Variants in MAPK8IP3 observed in about 807,000 individuals in gnomAD.
MAPK8IP3 encodes the protein mitogen-activated protein kinase 8 interacting protein 3.
A neutral mutation model predicts 157.8 loss-of-function variants in MAPK8IP3; 49 were observed. The observed-to-expected ratio is 0.31, with a 90% CI of 0.25 to 0.39. The LOEUF is 0.39. Ranked by LOEUF, MAPK8IP3 falls within the 10% of genes least tolerant of loss-of-function variation. The pLI is 1.00. For missense variants in MAPK8IP3, 1,478 were observed against 1,889.4 expected, an observed-to-expected ratio of 0.78 and a Z score of 4.04; for synonymous variants, 897 against 777.7, an observed-to-expected ratio of 1.15 and a Z score of -2.55.
intron 1 of MAPK8IP3, among the ~76,000 whole-genome samples, chr16:1,719,657 C>T (rs1035662352): frequency 7.0e-6 from 1 of 142,998 alleles, no homozygotes; most frequent in African/African-American, 2.7e-5. Context: ...CATAGGGAGA[C>T]CCCATCTCTA....
In MAPK8IP3 at chr16:1,765,143, G is replaced by C. The variant is rs986546275; in HGVS notation, c.2411G>C (p.Cys804Ser). 6 of 1,610,818 alleles carry C rather than the reference G, an allele frequency of 3.7e-6. No homozygotes were observed. The highest frequency in any genetic ancestry group is 5.1e-6 in the Non-Finnish European group (6 of 1,178,362). Residue 804 changes from cysteine (C) to serine (S), a missense_variant, in exon 20 of 32, where the codon TGC becomes TCC. By Grantham distance (112) the Cys-to-Ser change is moderately radical. Around this residue, in one of 11 missense-constraint regions of MAPK8IP3, gnomAD observed 669 missense variants for 759.8 expected, o/e 0.88. Coordinates refer to ENST00000610761, the MANE Select transcript of MAPK8IP3 (RefSeq NM_001318852.2). ...PGTVVDQFTV[C>S]NAHVLCISSI... is the part of the protein sequence containing the mutation. Reference sequence around the variant, plus strand: ...ACGGTGGTGGACCAGTTCACCGTCTGCAACGCGCACGTGCTGTGCATCTCC... The same window carrying C: ...ACGGTGGTGGACCAGTTCACCGTCTCCAACGCGCACGTGCTGTGCATCTCC...
intron 1 of MAPK8IP3, among the ~76,000 whole-genome samples, chr16:1,716,359 G>A (rs1035055053): frequency 1.4e-5 from 2 of 146,976 alleles, no homozygotes; most frequent in Admixed American, 6.9e-5. Context: ...ATGCAGTGGC[G>A]CGATCTCGGC....
rs557132541 is a variant in MAPK8IP3 at position 1,737,822 on chromosome 16, G to A, written c.603-5510G>A. On this transcript the variant is annotated intron_variant, in intron 4 of 31. Transcript: ENST00000610761. ...CATGTGACCGTCCGTGTGAGCGTCC[G>A]TGTGAGCGTGACTGTCCGTGTGTGT... Among the ~76,000 whole-genome samples, 4 of 102,792 alleles carry A rather than the reference G, an allele frequency of 3.9e-5. 1 individual carries two copies. The highest frequency in any genetic ancestry group is 1.0e-4 in the Admixed American group (1 of 9,576). The allele number at this position is 102,792 out of a possible 152,430, so 67.4% of individuals were successfully genotyped here.
In MAPK8IP3 at chr16:1,763,657, C is replaced by T. The variant is rs200312072; in HGVS notation, c.1899C>T (p.Asp633=). 7.2e-4 allele frequency: 1,126 copies of T among 1,563,498 alleles called. 2 individuals carry two copies. Among genetic ancestry groups the T allele is most frequent in the Admixed American group, 9.5e-4 (52 of 54,456 alleles). The change falls in exon 17 of 32, where the codon GAC becomes GAT. Residue 633 remains aspartate (D), a splice_region_variant and synonymous_variant. Transcript: ENST00000610761. ...CATCACCCATCATTCTTCCACTCAG[C>T]GACTGCACGTCCTCCGCCCGTCGAG... ...GSRPLEFFPD[D]DCTSSARREQ... is the part of the protein sequence containing the mutation.
intron 4 of MAPK8IP3, among the ~76,000 whole-genome samples, chr16:1,736,724 GTCCGTGTGAGCGTGTGACCA>G (rs2039899393): frequency 1.4e-5 from 1 of 69,676 alleles, no homozygotes; most frequent in Non-Finnish European, 2.6e-5. Flanking sequence ...GCGTGTGACC[GTCCGTGTGAGCGTGTGACCA>G]TCCATGTGAG....
At chr16:1,740,260 G>A (rs2040584526) in intron 4 of MAPK8IP3, among the ~76,000 whole-genome samples, 2 of 134,890 alleles carry the variant, frequency 1.5e-5, no homozygotes, top group African/African-American at 5.8e-5. Flanking sequence ...GTTCGTGTGA[G>A]TGTGTGACCG....
At chr16:1,768,015 C>CT (rs756463872) in intron 28 of MAPK8IP3, 54 bp from the exon 29 acceptor site, 184 of 1,610,534 alleles carry the variant, frequency 1.1e-4, no homozygotes, top group Middle Eastern at 5.0e-4. Context: ...GGGTGCCTTG[C>CT]TGCCCCTACG....
At chr16:1,720,823 A>G (rs2142315659) in intron 1 of MAPK8IP3, among the ~76,000 whole-genome samples, 1 of 151,764 alleles carries the variant, frequency 6.6e-6, no homozygotes. Context: ...TCACGAGGTC[A>G]GGGGATCAAG....
intron 1 of MAPK8IP3, among the ~76,000 whole-genome samples, chr16:1,708,888 A>C (rs1046235510): frequency 6.6e-6 from 1 of 152,210 alleles, no homozygotes; most frequent in Non-Finnish European, 1.5e-5. Flanking sequence ...TGAATCAAGC[A>C]GACCTTCATT....
chr16:1,736,727 CGTGT>C (rs1166213204), intron 4 of MAPK8IP3, among the ~76,000 whole-genome samples: 2 of 64,540 alleles, frequency 3.1e-5, no homozygotes, highest in Admixed American at 2.5e-4. Flanking sequence ...TGTGACCGTC[CGTGT>C]GAGCGTGTGA....
intron 4 of MAPK8IP3, among the ~76,000 whole-genome samples, chr16:1,739,211 CGT>C (rs1247345657): frequency 3.7e-5 from 4 of 108,662 alleles, no homozygotes; most frequent in East Asian, 3.0e-4. Context: ...TGTGAGCGTC[CGT>C]GTGAGCGTGT....
chr16:1,762,314 G>T (rs749561611), intron 13 of MAPK8IP3, 37 bp from the exon 14 acceptor site: 1 of 1,540,480 alleles, frequency 6.5e-7, no homozygotes, highest in African/African-American at 1.4e-5. Context: ...CCCGGCCTCC[G>T]AGGGCTGGCT....
At chr16:1,761,743 C>T (rs1257704168) in intron 13 of MAPK8IP3, among the ~76,000 whole-genome samples, 2 of 150,908 alleles carry the variant, frequency 1.3e-5, no homozygotes, top group Non-Finnish European at 3.0e-5. Context: ...ATTCACACGC[C>T]GGGTGACCAC....
At chr16:1,761,631 C>CCACCATT (rs371540053) in intron 13 of MAPK8IP3, among the ~76,000 whole-genome samples, 1 of 145,546 alleles carries the variant, frequency 6.9e-6, no homozygotes, top group Non-Finnish European at 1.5e-5. Context: ...GGCGGGGCGG[C>CCACCATT]CACCATTCAC....
chr16:1,714,534 C>A (rs940703484), intron 1 of MAPK8IP3, among the ~76,000 whole-genome samples: 3 of 152,178 alleles, frequency 2.0e-5, no homozygotes, highest in African/African-American at 7.2e-5. Flanking sequence ...TATCAACAAC[C>A]AGATTCAAAA....
Position 1,741,156 on chromosome 16 carries a change from C to T in MAPK8IP3, c.603-2176C>T, listed in dbSNP as rs1394458567. 2.0e-5 allele frequency among the ~76,000 whole-genome samples: 3 copies of T among 152,174 alleles called. No homozygotes were observed. Among genetic ancestry groups the T allele is most frequent in the Non-Finnish European group, 4.4e-5 (3 of 68,016 alleles). On this transcript the variant is annotated intron_variant, in intron 4 of 31. Transcript: ENST00000610761. This position sits in a 1 kb window ranked among gnomAD's most constrained non-coding sequence, Gnocchi z 6.9. ...CCAGCCTGTGTCAGAGCCGGTGACA[C>T]ACCCATGACCCCCAAGGGCAGCGTG...
intron 2 of MAPK8IP3, among the ~76,000 whole-genome samples, chr16:1,728,314 C>T (rs2039037499): frequency 6.6e-6 from 1 of 152,202 alleles, no homozygotes; most frequent in Admixed American, 6.5e-5. Context: ...CCCCAGCCCT[C>T]GGCGTGTGTG....
rs1397142614 is a variant in MAPK8IP3 at position 1,751,226 on chromosome 16, C to T, written c.1216+2506C>T. ...ATCCCAGCACTTTGGGAGGCCGAGG[C>T]GGGTGGATTGCTTGAAGTCAGGAGT... is the stretch of plus-strand genomic sequence containing the variant. On this transcript the variant is annotated intron_variant, in intron 8 of 31. Transcript: ENST00000610761. The surrounding 1 kb of genome is among the most constrained non-coding windows in gnomAD (Gnocchi z 5.0). 1.3e-5 allele frequency among the ~76,000 whole-genome samples: 2 copies of T among 151,940 alleles called. No homozygotes were observed. Among genetic ancestry groups the T allele is most frequent in the African/African-American group, 4.8e-5 (2 of 41,396 alleles).
intron 13 of MAPK8IP3, among the ~76,000 whole-genome samples, chr16:1,761,882 GGGTGCCTCCC>G (rs2041974184): frequency 1.3e-5 from 2 of 152,350 alleles, no homozygotes; most frequent in South Asian, 2.1e-4. Context: ...TGGGGATGCG[GGGTGCCTCCC>G]GGGGACTCAC....
Sources: allele counts gnomAD v4.1 joint callset (sites outside exome capture counted in the v4.1 genomes callset), GRCh38; gene constraint gnomAD v4.1.1; regional missense constraint gnomAD v4.1.1; non-coding constraint Gnocchi (gnomAD v3.1); transcripts MANE v1.5; gene names NCBI Gene and HGNC (gene_info 2026-07-23, HGNC 2026-07-21).